The following CMIP variants were observed in gnomAD, a reference collection of about 807,000 sequenced individuals.
CMIP encodes c-Maf inducing protein.
Under a neutral mutation model 97.3 loss-of-function variants are expected in CMIP, and 13 were observed. The ratio of observed to expected loss-of-function variants is 0.13; its 90% CI spans 0.09 to 0.21. The LOEUF is 0.21. Ranked by LOEUF, CMIP falls within the 10% of genes least tolerant of loss-of-function variation. The probability of loss-of-function intolerance (pLI) is 1.00; values close to 1 mark genes in which losing one functional copy is unlikely to be tolerated. For missense variants in CMIP, 847 were observed against 1,024.9 expected (o/e 0.83, Z 2.37); for synonymous variants, 538 against 436.3 (o/e 1.23, Z -2.91).
intron 9 of CMIP, among the ~76,000 whole-genome samples, chr16:81,676,730 A>G (rs778252056): frequency 2.0e-5 from 3 of 152,210 alleles, no homozygotes; most frequent in African/African-American, 4.8e-5. Flanking sequence ...CATGTGCTGG[A>G]TACATTCAGA....
intron 1 of CMIP, among the ~76,000 whole-genome samples, chr16:81,568,139 C>A (rs552688115): frequency 6.7e-6 from 1 of 149,870 alleles, no homozygotes; most frequent in African/African-American, 2.5e-5. Context: ...CAGGGCCTTG[C>A]CTTCTAGGGC....
rs1177187419 is a variant in CMIP at position 81,445,267 on chromosome 16, G to C, written c.26G>C (p.Gly9Ala). Residue 9 changes from glycine (G) to alanine (A), a missense_variant, in exon 1 of 21, where the codon GGC (glycine) becomes GCC (alanine). Gly to Ala is a moderately conservative substitution (Grantham distance 60). Transcript: ENST00000537098. Reference protein sequence around the residue: MDVTSSSGGGGDPRQIEET... With the variant: MDVTSSSGAGGDPRQIEET... ...ATGGATGTGACCAGCAGCTCGGGCG[G>C]CGGCGGCGACCCCCGGCAGATCGAG... The C allele has an allele frequency of 6.5e-7, 1 of 1,540,012 alleles. No homozygotes were observed. The highest frequency in any genetic ancestry group is 2.0e-5 in the Admixed American group (1 of 50,824).
In CMIP at chr16:81,614,761, CTGTGGTGTG is replaced by C. The variant is rs1567611436; in HGVS notation, c.427-6108_427-6100del. Among the ~76,000 whole-genome samples, 2 of 150,346 alleles carry C rather than the reference CTGTGGTGTG, an allele frequency of 1.3e-5. No individual in the cohort carries two copies. The highest frequency in any genetic ancestry group is 3.0e-5 in the Non-Finnish European group (2 of 67,654). ...TCTGTGAGTGTGTATGTGTCTATGT[CTGTGGTGTG>C]TGTGGTATGTGTGCATGTGTGTGCC... On this transcript the variant is annotated intron_variant, in intron 2 of 20. Transcript: ENST00000537098. The surrounding 1 kb of genome is among the most constrained non-coding windows in gnomAD (Gnocchi z 5.3).
chr16:81,562,612 G>A (rs867400046), intron 1 of CMIP, among the ~76,000 whole-genome samples: 8 of 152,184 alleles, frequency 5.3e-5, no homozygotes, highest in African/African-American at 7.2e-5. Context: ...CCACGCCCAC[G>A]CCCATGCCTG....
intron 16 of CMIP, among the ~76,000 whole-genome samples, chr16:81,702,073 T>C (rs1281952583): frequency 6.6e-6 from 1 of 152,170 alleles, no homozygotes; most frequent in Non-Finnish European, 1.5e-5. Flanking sequence ...TTTCAGTACA[T>C]GGGGGACCCA....
intron 2 of CMIP, chr16:81,610,330 C>T (rs537343064): frequency 2.9e-5 from 29 of 985,482 alleles, no homozygotes; most frequent in Middle Eastern, 5.2e-4. Flanking sequence ...GCCGAGCGGG[C>T]GGGGAGCCTC....
intron 3 of CMIP, among the ~76,000 whole-genome samples, chr16:81,638,243 A>G (rs900676670): frequency 3.9e-5 from 6 of 152,224 alleles, no homozygotes; most frequent in African/African-American, 1.4e-4. Context: ...CCATCTCAAG[A>G]TCCCAAACGT....
At chr16:81,607,452 C>A in intron 1 of CMIP, 115 bp from the exon 2 acceptor site, 1 of 1,356,246 alleles carries the variant, frequency 7.4e-7, no homozygotes, top group Non-Finnish European at 1.0e-6. Context: ...GCTCCTGCAC[C>A]AGCTCCATTT....
chr16:81,459,217 C>T (rs1906756015), intron 1 of CMIP, among the ~76,000 whole-genome samples: 1 of 152,164 alleles, frequency 6.6e-6, no homozygotes, highest in African/African-American at 2.4e-5. Flanking sequence ...TCAATAAAGG[C>T]CTTTGTCTGT....
intron 16 of CMIP, 115 bp from the exon 17 acceptor site, chr16:81,702,506 GC>G: frequency 9.3e-7 from 1 of 1,076,366 alleles, no homozygotes. Context: ...CCACCGTGTT[GC>G]CTTGTACCAC....
chr16:81,642,694 G>A (rs1295780835), intron 3 of CMIP, among the ~76,000 whole-genome samples: 2 of 152,222 alleles, frequency 1.3e-5, no homozygotes, highest in South Asian at 2.1e-4. Flanking sequence ...TCAGGAGTTC[G>A]AGACCAGCCT....
chr16:81,458,023 C>T (rs781776742), intron 1 of CMIP, among the ~76,000 whole-genome samples: 4 of 152,244 alleles, frequency 2.6e-5, no homozygotes, highest in Admixed American at 6.5e-5. Context: ...AGGGGAATTA[C>T]ATCATGCCAA....
At chr16:81,512,192 C>A (rs1481215327) in intron 1 of CMIP, among the ~76,000 whole-genome samples, 1 of 152,172 alleles carries the variant, frequency 6.6e-6, no homozygotes, top group Non-Finnish European at 1.5e-5. Flanking sequence ...GAGCACTGAT[C>A]TAGAGATTTG....
At chr16:81,662,529 G>T (rs986463313) in intron 6 of CMIP, among the ~76,000 whole-genome samples, 1 of 152,182 alleles carries the variant, frequency 6.6e-6, no homozygotes, top group African/African-American at 2.4e-5. Flanking sequence ...TTTGCCTCTG[G>T]GAGTTGGAGC....
intron 1 of CMIP, among the ~76,000 whole-genome samples, chr16:81,514,082 T>G (rs8182218): frequency 0.22 from 33,493 of 152,154 alleles, 4,057 homozygotes; most frequent in East Asian, 0.37. Context: ...TGATGTCCAG[T>G]GAATCTTCAT....
chr16:81,491,148 G>A (rs2089399661), intron 1 of CMIP, among the ~76,000 whole-genome samples: 1 of 152,164 alleles, frequency 6.6e-6, no homozygotes, highest in South Asian at 2.1e-4. Flanking sequence ...TACCCTTGCA[G>A]GCATTATCCT....
At chr16:81,688,486 C>T (rs1905673342) in intron 10 of CMIP, among the ~76,000 whole-genome samples, 1 of 152,196 alleles carries the variant, frequency 6.6e-6, no homozygotes, top group Non-Finnish European at 1.5e-5. Context: ...ACCTCTGAGC[C>T]TCCAGTTCGT....
intron 1 of CMIP, among the ~76,000 whole-genome samples, chr16:81,581,336 G>A (rs993311447): frequency 2.0e-5 from 3 of 152,208 alleles, no homozygotes; most frequent in Non-Finnish European, 2.9e-5. Context: ...ATCCTGGAGT[G>A]TGCTCACAGA....
intron 1 of CMIP, among the ~76,000 whole-genome samples, chr16:81,567,983 G>A (rs1043376116): frequency 1.1e-4 from 17 of 151,470 alleles, no homozygotes; most frequent in Admixed American, 1.1e-3. Flanking sequence ...TCCTCTTCCA[G>A]GGATGCTGGG....
Sources: gnomAD v4.1 joint callset for allele counts (sites outside exome capture counted in the v4.1 genomes callset) on GRCh38, gnomAD v4.1.1 for gene constraint, Gnocchi (gnomAD v3.1) non-coding constraint, MANE v1.5 for transcripts, NCBI Gene and HGNC (gene_info 2026-07-23, HGNC 2026-07-21) for gene names.